The following POMT2 variants were observed in gnomAD, a reference collection of about 807,000 sequenced individuals.
The protein encoded by POMT2 is protein O-mannosyl-transferase 2.
In POMT2, 75 loss-of-function variants were observed where a neutral mutation model predicts 100.0. That is an observed-to-expected ratio of 0.75 (90% CI 0.62 to 0.91). POMT2 has a LOEUF of 0.91. Among genes scored for constraint, POMT2 ranks in the 40% least tolerant of loss-of-function variants. The pLI is 0.00. For missense variants in POMT2, 940 were observed against 955.1 expected (o/e 0.98, Z 0.21); for synonymous variants, 378 against 374.1 (o/e 1.01, Z -0.12).
chr14:77,306,658 T>G (rs894255704), intron 2 of POMT2: 1 of 483,968 alleles, frequency 2.1e-6, no homozygotes, highest in African/African-American at 2.0e-5. Context: ...TCTCTTGTAT[T>G]ATGGCCGAGG....
At position 77,298,744 on chromosome 14, in the gene POMT2, A is replaced by G; in HGVS notation, c.951T>C (p.Ser317=). ...KSGPGDGFFS[S]AFQARLSGNN... is the part of the protein sequence containing the mutation. ...TCCCTGAAAGCCGGGCCTGGAAGGC[A>G]GAACTGAAGAAACCGTCACCAGGGC... The change falls in exon 8 of 21, where the codon TCT becomes TCC. Residue 317 remains serine, a synonymous_variant. Transcript: ENST00000261534. The G allele has an allele frequency of 6.2e-7, 1 of 1,613,526 alleles. No homozygotes were observed. Among genetic ancestry groups the G allele is most frequent in the East Asian group, 2.2e-5 (1 of 44,890 alleles).
At position 77,310,915 on chromosome 14, in the gene POMT2, C is replaced by T. The variant is rs139623374; in HGVS notation, c.333+1034G>A. ...TTGGGAGGCCAAGGCGGGTGGACCA[C>T]CTGAGGTTGGGAGTTCAAGACCAGC... On this transcript the variant is annotated intron_variant, in intron 2 of 20. Transcript: ENST00000261534. 6.2e-3 allele frequency among the ~76,000 whole-genome samples: 944 copies of T among 152,330 alleles called. 11 individuals are homozygous for T. The highest frequency in any genetic ancestry group is 0.021 in the African/African-American group (888 of 41,564).
At position 77,276,694 on chromosome 14, in the gene POMT2, T is replaced by TCTCTGTG; in HGVS notation, c.*675_*681dup. The TCTCTGTG allele has an allele frequency of 6.5e-6, 1 of 152,878 alleles. No individual in the cohort carries two copies. The highest frequency in any genetic ancestry group is 1.9e-4 in the East Asian group (1 of 5,180). The allele number at this position is 152,878 out of a possible 1,614,324, so 9.5% of individuals were successfully genotyped here. A position where few individuals can be genotyped will look rare whatever the true frequency, so the allele number is the denominator to read the frequency against. ...AGGCTGACGCTCCGGAGTCCGCTGC[T>TCTCTGTG]CTCTGTGCGTCACAGGCAGGAAGTC... On this transcript the variant is annotated 3_prime_UTR_variant, in exon 21 of 21. Coordinates refer to ENST00000261534, the MANE Select transcript of POMT2 (RefSeq NM_013382.7).
chr14:77,296,273 T>C lies in POMT2; in HGVS notation c.1007A>G (p.His336Arg). Residue 336 changes from histidine to arginine, a missense_variant and splice_region_variant, in exon 9 of 21, where the codon CAC becomes CGC. By Grantham distance (29) the His-to-Arg change is conservative. Transcript: ENST00000261534. ...NNLHNASIPE[H>R]LAYGSVITVK... ...AGTGATCACAGAGCCGTAGGCCAGGTCTGGGAGGAAGGGAGACAGCAGAGG... is the reference window on the plus strand; with the variant it reads ...AGTGATCACAGAGCCGTAGGCCAGGCCTGGGAGGAAGGGAGACAGCAGAGG... 1 of 1,595,120 alleles carries C rather than the reference T, an allele frequency of 6.3e-7. No individual in the cohort carries two copies. Among genetic ancestry groups the C allele is most frequent in the East Asian group, 2.3e-5 (1 of 44,320 alleles).
At chr14:77,314,189 T>G (rs1891542732) in intron 1 of POMT2, among the ~76,000 whole-genome samples, 1 of 152,150 alleles carries the variant, frequency 6.6e-6, no homozygotes, top group Non-Finnish European at 1.5e-5. Context: ...TGAGGGAAGT[T>G]AGTGTCTCCC....
intron 15 of POMT2, among the ~76,000 whole-genome samples, chr14:77,282,714 C>T (rs192059263): frequency 7.2e-5 from 11 of 152,194 alleles, no homozygotes; most frequent in South Asian, 2.1e-4. Context: ...CCTCCCAATG[C>T]GCAAAAATGA....
chr14:77,314,583 C>T (rs80112616), intron 1 of POMT2, among the ~76,000 whole-genome samples: 8,104 of 152,196 alleles, frequency 0.053, 265 homozygotes, highest in South Asian at 0.08. Context: ...CATGGGCAGG[C>T]AATGGGGTAG....
Position 77,285,532 on chromosome 14 carries a change from T to C in POMT2, c.1433A>G (p.His478Arg), listed in dbSNP as rs765346043. ...GCCCAGGACACAACCTGTGACCAAA[T>C]GGATGAAGCGAATTCGACTTCTCAG... is the stretch of plus-strand genomic sequence containing the variant. ...KVLRSRIRFI[H>R]LVTGCVLGSS... Residue 478 changes from histidine (H) to arginine (R), a missense_variant, in exon 13 of 21, where the codon CAT (histidine) becomes CGT (arginine). By Grantham distance (29) the His-to-Arg change is conservative. Transcript: ENST00000261534. 15 of 1,614,032 alleles carry C rather than the reference T, an allele frequency of 9.3e-6. No homozygotes were observed. The highest frequency in any genetic ancestry group is 1.3e-5 in the Non-Finnish European group (15 of 1,180,038).
At chr14:77,315,876 G>A (rs1891605034) in intron 1 of POMT2, among the ~76,000 whole-genome samples, 1 of 152,220 alleles carries the variant, frequency 6.6e-6, no homozygotes, top group Non-Finnish European at 1.5e-5. Flanking sequence ...AGCCAGGCGT[G>A]ATAGGGGCGC....
At chr14:77,299,848 T>G (rs1177080622) in intron 6 of POMT2, 2 of 400,392 alleles carry the variant, frequency 5.0e-6, no homozygotes, top group Non-Finnish European at 9.5e-6. Flanking sequence ...TGCAACACAG[T>G]TGCTCACCAG....
At chr14:77,303,398 C>A (rs1047806124) in intron 4 of POMT2, among the ~76,000 whole-genome samples, 1 of 152,178 alleles carries the variant, frequency 6.6e-6, no homozygotes, top group African/African-American at 2.4e-5. Context: ...CCTTAAATCT[C>A]ATTATGTCAT....
intron 15 of POMT2, among the ~76,000 whole-genome samples, chr14:77,281,095 A>AAAATAAATAAATAAAT (rs145830278): frequency 2.1e-5 from 3 of 144,692 alleles, no homozygotes; most frequent in African/African-American, 5.1e-5. Flanking sequence ...ACTCAGTCTC[A>AAAATAAATAAATAAAT]AAATAAATAA....
intron 16 of POMT2, 23 bp from the exon 17 acceptor site, chr14:77,280,103 C>T (rs781642951): frequency 3.7e-6 from 6 of 1,613,712 alleles, no homozygotes; most frequent in South Asian, 1.1e-5. Flanking sequence ...GACCACCCTG[C>T]TGACCCAGGC....
intron 20 of POMT2, 83 bp from the exon 21 acceptor site, chr14:77,277,564 G>T: frequency 8.7e-7 from 1 of 1,145,078 alleles, no homozygotes; most frequent in Non-Finnish European, 1.3e-6. Flanking sequence ...TCCTGCTGGA[G>T]CTCCAGAGAA....
chr14:77,279,941 G>A lies in POMT2; in HGVS notation c.1786-13C>T. ...GCCACCAAACCACCTGTGCAGAAAT[G>A]GGAATGGGCAGATGAGAACGCAGCC... On this transcript the variant is annotated splice_polypyrimidine_tract_variant and intron_variant, in intron 17 of 20. Transcript: ENST00000261534. 6.2e-7 allele frequency: 1 copy of A among 1,614,182 alleles called. No homozygotes were observed. The highest frequency in any genetic ancestry group is 8.5e-7 in the Non-Finnish European group (1 of 1,180,022).
intron 9 of POMT2, 82 bp downstream of exon 9, chr14:77,296,082 G>T: frequency 9.0e-7 from 1 of 1,115,668 alleles, no homozygotes; most frequent in East Asian, 2.6e-5. Flanking sequence ...CGAACAGGAT[G>T]AGCAAAGGAT....
At position 77,291,287 on chromosome 14, in the gene POMT2, A is replaced by G. The variant is rs570548675; in HGVS notation, c.1183+27T>C. On this transcript the variant is annotated intron_variant, in intron 10 of 20. Coordinates refer to ENST00000261534, the MANE Select transcript of POMT2 (RefSeq NM_013382.7). ...AGGGCTCAGAGGGAGTAACAGCACA[A>G]GAAGCATCAGTCTCTGACCACATTA... 8.1e-6 allele frequency: 13 copies of G among 1,606,776 alleles called. 1 individual carries two copies. The Admixed American group carries it at 8.4e-5, about 10-fold the overall frequency.
chr14:77,320,395 G>C, intron 1 of POMT2, 39 bp downstream of exon 1: 1 of 1,543,860 alleles, frequency 6.5e-7, no homozygotes. Flanking sequence ...GTCCCGTCGC[G>C]GTTGCCATGG....
intron 15 of POMT2, among the ~76,000 whole-genome samples, chr14:77,283,000 A>G (rs1890286126): frequency 6.6e-6 from 1 of 152,246 alleles, no homozygotes; most frequent in Admixed American, 6.5e-5. Flanking sequence ...CAGCAGGGGA[A>G]AATTTAAGCT....
Sources: allele counts gnomAD v4.1 joint callset (sites outside exome capture counted in the v4.1 genomes callset), GRCh38; gene constraint gnomAD v4.1.1; transcripts MANE v1.5; gene names NCBI Gene and HGNC (gene_info 2026-07-23, HGNC 2026-07-21).